Variants in ANK2 observed in about 807,000 individuals in gnomAD.
ANK2 encodes ankyrin-2.
A neutral mutation model predicts 360.5 loss-of-function variants in ANK2; 83 were observed. The ratio of observed to expected loss-of-function variants is 0.23; its 90% CI spans 0.19 to 0.28. ANK2 has a LOEUF of 0.28. Among genes scored for constraint, ANK2 ranks in the 10% least tolerant of loss-of-function variants. The pLI is 1.00. For missense variants in ANK2, 4,201 were observed against 4,795.7 expected (o/e 0.88, Z 3.66); for synonymous variants, 1,740 against 1,759.5 (o/e 0.99, Z 0.28).
intron 1 of ANK2, among the ~76,000 whole-genome samples, chr4:112,867,486 A>G (rs1347432305): frequency 6.6e-6 from 1 of 152,094 alleles, no homozygotes; most frequent in Non-Finnish European, 1.5e-5. Context: ...ACAGAGTTGT[A>G]CAACCACCAT....
At chr4:113,169,144 A>G (rs2097854677) in intron 1 of ANK2, among the ~76,000 whole-genome samples, 1 of 152,208 alleles carries the variant, frequency 6.6e-6, no homozygotes, top group Non-Finnish European at 1.5e-5. Flanking sequence ...CAAACTCAGT[A>G]AGTGTCCTCT....
intron 2 of ANK2, among the ~76,000 whole-genome samples, chr4:112,995,059 G>A (rs565525238): frequency 3.3e-5 from 5 of 152,236 alleles, no homozygotes; most frequent in South Asian, 4.1e-4. Context: ...ATAGTGCTGC[G>A]ATGAACATAC....
At chr4:112,966,067 A>G (rs567511026) in intron 2 of ANK2, among the ~76,000 whole-genome samples, 7 of 151,868 alleles carry the variant, frequency 4.6e-5, no homozygotes, top group Non-Finnish European at 8.8e-5. Flanking sequence ...TGTTAGGTGT[A>G]GAACTTTAAA....
intron 2 of ANK2, among the ~76,000 whole-genome samples, chr4:112,928,910 T>TG (rs60042500): frequency 0.26 from 39,868 of 151,394 alleles, 7,261 homozygotes; most frequent in African/African-American, 0.51. Flanking sequence ...TGGAGTGCAG[T>TG]GGTGTGATCT....
the ANK2 span, among the ~76,000 whole-genome samples, chr4:112,781,172 T>G: frequency 6.6e-6 from 1 of 152,082 alleles, no homozygotes; most frequent in African/African-American, 2.4e-5. Context: ...GATAATTTTT[T>G]GTAGGGAAGG....
intron 2 of ANK2, among the ~76,000 whole-genome samples, chr4:113,186,152 CTCTGGCTGGCA>C (rs921392908): frequency 6.6e-6 from 1 of 152,190 alleles, no homozygotes; most frequent in African/African-American, 2.4e-5. Context: ...TACAGGAGAG[CTCTGGCTGGCA>C]TCTGGCAGGT....
intron 9 of ANK2, among the ~76,000 whole-genome samples, chr4:113,248,101 C>A (rs1161500493): frequency 4.6e-5 from 7 of 152,254 alleles, no homozygotes; most frequent in East Asian, 1.9e-4. Flanking sequence ...CCCAAAACTG[C>A]AAAATCTGTT....
At chr4:112,943,207 A>G (rs1441467644) in intron 2 of ANK2, among the ~76,000 whole-genome samples, 1 of 152,088 alleles carries the variant, frequency 6.6e-6, no homozygotes, top group Non-Finnish European at 1.5e-5. Context: ...CAGTTAGCTA[A>G]TTCTTCTTAT....
intron 1 of ANK2, among the ~76,000 whole-genome samples, chr4:113,171,262 T>C (rs41506946): frequency 0.026 from 4,025 of 152,280 alleles, 161 homozygotes; most frequent in African/African-American, 0.091. Flanking sequence ...TCTGTGTTGA[T>C]TGAAGATAAC....
intron 4 of ANK2, among the ~76,000 whole-genome samples, chr4:113,205,086 A>T (rs2098926484): frequency 6.6e-6 from 1 of 151,954 alleles, no homozygotes; most frequent in African/African-American, 2.4e-5. Flanking sequence ...ATACAAAAAA[A>T]TTAGCTGGGC....
chr4:113,108,180 C>T (rs2093875907), intron 1 of ANK2, among the ~76,000 whole-genome samples: 1 of 152,114 alleles, frequency 6.6e-6, no homozygotes, highest in African/African-American at 2.4e-5. Context: ...CATTGTCTCA[C>T]TGGTTTGTTA....
chr4:113,101,115 A>C (rs11943828), intron 1 of ANK2, among the ~76,000 whole-genome samples: 1 of 151,958 alleles, frequency 6.6e-6, no homozygotes, highest in Non-Finnish European at 1.5e-5. Flanking sequence ...ACAACATAAA[A>C]AGTAAACTCT....
chr4:112,804,585 G>A, the ANK2 span, among the ~76,000 whole-genome samples: 1 of 152,174 alleles, frequency 6.6e-6, no homozygotes, highest in South Asian at 2.1e-4. Flanking sequence ...AGATATCGAG[G>A]ACTTGGATGA....
At chr4:113,296,052 A>G (rs988423835) in intron 22 of ANK2, among the ~76,000 whole-genome samples, 1 of 152,044 alleles carries the variant, frequency 6.6e-6, no homozygotes, top group Non-Finnish European at 1.5e-5. Flanking sequence ...ATTTAAGTTT[A>G]AAAATATGTA....
the ANK2 span, among the ~76,000 whole-genome samples, chr4:112,780,919 A>G: frequency 1.3e-5 from 2 of 152,176 alleles, no homozygotes; most frequent in African/African-American, 4.8e-5. Flanking sequence ...TAACCATATA[A>G]ATTATATAAC....
At chr4:112,885,414 G>A (rs1332382938) in intron 1 of ANK2, among the ~76,000 whole-genome samples, 4 of 150,820 alleles carry the variant, frequency 2.7e-5, no homozygotes, top group African/African-American at 2.4e-5. Flanking sequence ...CAGGAGAATC[G>A]CTTGAACCCG....
In ANK2 at chr4:112,912,378, T is replaced by C. The variant is rs1581039133; in HGVS notation, c.21+7864T>C. Reference sequence around the variant, plus strand: ...AACCCTGATACCCTGATAAAACATATTACTTTAGAAGCCATTTATTCCTAC... The same window carrying C: ...AACCCTGATACCCTGATAAAACATACTACTTTAGAAGCCATTTATTCCTAC... On this transcript the variant is annotated intron_variant, in intron 2 of 30. Coordinates refer to the ANK2 transcript ENST00000503271. Among the ~76,000 whole-genome samples the C allele has an allele frequency of 2.0e-5, 3 of 152,050 alleles. No homozygotes were observed. In the East Asian group the frequency reaches 5.8e-4, roughly 29 times the overall value.
intron 1 of ANK2, among the ~76,000 whole-genome samples, chr4:112,894,831 A>G (rs1157864179): frequency 1.3e-5 from 2 of 152,244 alleles, no homozygotes; most frequent in Non-Finnish European, 2.9e-5. Flanking sequence ...TCAATGAAAC[A>G]TGCTTTAGAA....
chr4:113,161,172 A>G (rs1251884191), intron 1 of ANK2, among the ~76,000 whole-genome samples: 4 of 152,190 alleles, frequency 2.6e-5, no homozygotes, highest in Non-Finnish European at 1.5e-5. Context: ...AATTCGCTCT[A>G]GAGTTGATGC....
Sources: gnomAD v4.1 joint callset for allele counts (sites outside exome capture counted in the v4.1 genomes callset) on GRCh38, gnomAD v4.1.1 for gene constraint, MANE v1.5 for transcripts, NCBI Gene and HGNC (gene_info 2026-07-23, HGNC 2026-07-21) for gene names.